Variants in PLA2G4A observed in about 807,000 individuals in gnomAD.
PLA2G4A encodes the protein phospholipase A2 group IVA.
A neutral mutation model predicts 81.9 loss-of-function variants in PLA2G4A; 40 were observed. The ratio of observed to expected loss-of-function variants is 0.49; its 90% confidence interval spans 0.38 to 0.64. The LOEUF (loss-of-function observed/expected upper bound fraction) is 0.64. PLA2G4A is among the 30% of genes least tolerant of loss of function. The probability of loss-of-function intolerance (pLI) is 0.00; values close to 1 mark genes in which losing one functional copy is unlikely to be tolerated. For missense variants in PLA2G4A, 715 were observed against 905.1 expected (o/e 0.79, Z 2.69); for synonymous variants, 302 against 296.9 (o/e 1.02, Z -0.18).
Position 186,892,991 on chromosome 1 carries a change from T to A in PLA2G4A, c.116-20T>A. 1 of 1,587,140 alleles carries A rather than the reference T, an allele frequency of 6.3e-7. No homozygotes were observed. The highest frequency in any genetic ancestry group is 8.7e-7 in the Non-Finnish European group (1 of 1,155,512). Reference sequence around the variant, plus strand: ...GAATCACATTTCTACCTCCTTCTTGTTTGTGTTTACTATCTGTAGTTGATA... The same window carrying A: ...GAATCACATTTCTACCTCCTTCTTGATTGTGTTTACTATCTGTAGTTGATA... On this transcript the variant is annotated intron_variant, in intron 3 of 17. Coordinates refer to ENST00000367466, the MANE Select transcript of PLA2G4A (RefSeq NM_024420.3).
intron 2 of PLA2G4A, among the ~76,000 whole-genome samples, chr1:186,859,924 A>C (rs1203594130): frequency 6.6e-6 from 1 of 152,172 alleles, no homozygotes; most frequent in Non-Finnish European, 1.5e-5. Flanking sequence ...CCTTTGAAAT[A>C]ATGAAATAAG....
At chr1:186,942,355 C>T (rs952725100) in intron 10 of PLA2G4A, among the ~76,000 whole-genome samples, 1 of 152,114 alleles carries the variant, frequency 6.6e-6, no homozygotes, top group African/African-American at 2.4e-5. Context: ...CATCCTTCAC[C>T]CAGAAAGAAT....
intron 1 of PLA2G4A, among the ~76,000 whole-genome samples, chr1:186,852,538 T>G (rs1652411366): frequency 6.6e-6 from 1 of 152,044 alleles, no homozygotes; most frequent in African/African-American, 2.4e-5. Context: ...GCAGTTTTGG[T>G]GCCTGGTGAG....
chr1:186,828,985 A>G lies in PLA2G4A; in HGVS notation c.-120A>G, dbSNP rs934790113. Reference sequence around the variant, plus strand: ...GACTTTCTCTAAGTCCGGAGCTGAAAAAGGATCCTGACTGAAAGCTAGAGG... The same window carrying G: ...GACTTTCTCTAAGTCCGGAGCTGAAGAAGGATCCTGACTGAAAGCTAGAGG... On this transcript the variant is annotated 5_prime_UTR_variant, in exon 1 of 18. Transcript: ENST00000367466. The G allele has an allele frequency of 6.6e-6, 1 of 152,140 alleles. No homozygotes were observed. The highest frequency in any genetic ancestry group is 1.5e-5 in the Non-Finnish European group (1 of 68,038). The allele number at this position is 152,140 out of a possible 1,614,324, so 9.4% of individuals were successfully genotyped here. A position where few individuals can be genotyped will look rare whatever the true frequency, so the allele number is the denominator to read the frequency against.
chr1:186,849,265 AT>A (rs1652292598), intron 1 of PLA2G4A, among the ~76,000 whole-genome samples: 1 of 152,066 alleles, frequency 6.6e-6, no homozygotes, highest in Non-Finnish European at 1.5e-5. Flanking sequence ...GGATGTCTCT[AT>A]TAATAAGATA....
At chr1:186,837,754 A>AAAAAAG (rs1558346554) in intron 1 of PLA2G4A, among the ~76,000 whole-genome samples, 2 of 140,218 alleles carry the variant, frequency 1.4e-5, no homozygotes, top group East Asian at 4.1e-4. Flanking sequence ...AAAAAAAAAG[A>AAAAAAG]AAAAGAAAAG....
At chr1:186,891,683 A>AT (rs1298665514) in intron 3 of PLA2G4A, among the ~76,000 whole-genome samples, 27 of 152,152 alleles carry the variant, frequency 1.8e-4, no homozygotes, top group Admixed American at 1.6e-3. Context: ...AACACATTTT[A>AT]TTTACCCATT....
chr1:186,865,389 G>A (rs762453217), intron 2 of PLA2G4A, among the ~76,000 whole-genome samples: 1 of 152,002 alleles, frequency 6.6e-6, no homozygotes, highest in Non-Finnish European at 1.5e-5. Context: ...GTGAATAATA[G>A]CAAAATGACT....
At chr1:186,977,022 A>G (rs1202594157) in intron 15 of PLA2G4A, among the ~76,000 whole-genome samples, 1 of 152,226 alleles carries the variant, frequency 6.6e-6, no homozygotes, top group African/African-American at 2.4e-5. Flanking sequence ...ACATCTGTAC[A>G]GTCCTCTCTT....
chr1:186,981,281 AC>A (rs1407310421), intron 17 of PLA2G4A, among the ~76,000 whole-genome samples: 1 of 152,244 alleles, frequency 6.6e-6, no homozygotes, highest in Non-Finnish European at 1.5e-5. Flanking sequence ...GAGTAGATAT[AC>A]ATATGTGTAT....
At chr1:186,882,119 C>T (rs925055827) in intron 3 of PLA2G4A, among the ~76,000 whole-genome samples, 11 of 152,090 alleles carry the variant, frequency 7.2e-5, no homozygotes, top group Non-Finnish European at 1.0e-4. Context: ...ATTTCTTCAC[C>T]TCTGATGGAA....
Position 186,950,302 on chromosome 1 carries a change from C to T in PLA2G4A, c.1265-355C>T, listed in dbSNP as rs74348942. On this transcript the variant is annotated intron_variant, in intron 12 of 17. Transcript: ENST00000367466. ...GTTTTATCCTTTATCTTCATAAACACCACTTAAAAATATCTAATAAAGAAA... is the reference window on the plus strand; with the variant it reads ...GTTTTATCCTTTATCTTCATAAACATCACTTAAAAATATCTAATAAAGAAA... 6.6e-3 allele frequency among the ~76,000 whole-genome samples: 1,005 copies of T among 152,134 alleles called. 17 individuals are homozygous for T. Among genetic ancestry groups the T allele is most frequent in the African/African-American group, 0.024 (977 of 41,508 alleles).
At chr1:186,959,496 T>A (rs1656873505) in intron 14 of PLA2G4A, among the ~76,000 whole-genome samples, 1 of 152,224 alleles carries the variant, frequency 6.6e-6, no homozygotes, top group Non-Finnish European at 1.5e-5. Flanking sequence ...TTACACTTTA[T>A]TCATTTTTAT....
At chr1:186,901,481 G>A (rs1334797370) in intron 5 of PLA2G4A, among the ~76,000 whole-genome samples, 3 of 152,124 alleles carry the variant, frequency 2.0e-5, no homozygotes, top group African/African-American at 7.2e-5. Context: ...ATTTTTGGAT[G>A]AATGAATATA....
At chr1:186,920,507 G>T (rs1571402412) in intron 7 of PLA2G4A, among the ~76,000 whole-genome samples, 1 of 152,310 alleles carries the variant, frequency 6.6e-6, no homozygotes, top group South Asian at 2.1e-4. Context: ...GGCTCCTTGG[G>T]GGCGCTTGAG....
At chr1:186,891,205 G>C (rs764362084) in intron 3 of PLA2G4A, among the ~76,000 whole-genome samples, 6 of 151,708 alleles carry the variant, frequency 4.0e-5, no homozygotes, top group Non-Finnish European at 8.8e-5. Context: ...TATTTATGGG[G>C]TAAGTGAAGT....
intron 3 of PLA2G4A, among the ~76,000 whole-genome samples, chr1:186,891,885 A>G (rs1456316808): frequency 6.6e-6 from 1 of 152,126 alleles, no homozygotes; most frequent in African/African-American, 2.4e-5. Flanking sequence ...ATTATTCTCC[A>G]TAGTGGTTGT....
chr1:186,988,312 T>G lies in PLA2G4A; in HGVS notation c.2119-65T>G. 5 of 1,242,742 alleles carry G rather than the reference T, an allele frequency of 4.0e-6. No individual in the cohort carries two copies. The South Asian group carries it at 6.8e-5, about 17-fold the overall frequency. The allele number at this position is 1,242,742 out of a possible 1,614,324, so 77.0% of individuals were successfully genotyped here. ...AAAAAGATTCATTTGATTTTTATTT[T>G]AATAAAAAATATATAAATGAGTTCA... On this transcript the variant is annotated intron_variant, in intron 17 of 17. Coordinates refer to ENST00000367466, the MANE Select transcript of PLA2G4A (RefSeq NM_024420.3).
intron 17 of PLA2G4A, among the ~76,000 whole-genome samples, chr1:186,979,819 A>C (rs1347061380): frequency 6.6e-6 from 1 of 152,078 alleles, no homozygotes; most frequent in Non-Finnish European, 1.5e-5. Flanking sequence ...TATGAAAGTG[A>C]ATGGAACCAG....
Sources: allele counts gnomAD v4.1 joint callset (sites outside exome capture counted in the v4.1 genomes callset), GRCh38; gene constraint gnomAD v4.1.1; transcripts MANE v1.5; gene names NCBI Gene and HGNC (gene_info 2026-07-23, HGNC 2026-07-21).